Variants in COL4A4 observed in about 807,000 individuals in gnomAD.
The protein encoded by COL4A4 is collagen alpha-4(IV) chain.
In COL4A4, 105 loss-of-function variants were observed where a neutral mutation model predicts 192.9. That is an observed-to-expected ratio of 0.54 (90% CI 0.46 to 0.64). COL4A4 has a LOEUF of 0.64. COL4A4 is among the 30% of genes least tolerant of loss of function. COL4A4 has a pLI of 0.00. For missense variants in COL4A4, 1,967 were observed against 2,169.3 expected, an observed-to-expected ratio of 0.91 and a Z score of 1.85; for synonymous variants, 762 against 769.9, an observed-to-expected ratio of 0.99 and a Z score of 0.17.
chr2:227,049,979 G>C (rs978846406), intron 34 of COL4A4, 89 bp downstream of exon 34: 2 of 1,234,282 alleles, frequency 1.6e-6, no homozygotes, highest in African/African-American at 3.0e-5. Context: ...GATACACTTT[G>C]CTTATCATGT....
At chr2:227,151,433 C>G (rs1376457849) in intron 1 of COL4A4, among the ~76,000 whole-genome samples, 1 of 152,066 alleles carries the variant, frequency 6.6e-6, no homozygotes. Context: ...TTATGTAGCT[C>G]AAGATCAACG....
At chr2:227,103,298 T>A (rs2060629930) in intron 13 of COL4A4, 101 bp from the exon 14 acceptor site, 7 of 728,372 alleles carry the variant, frequency 9.6e-6, no homozygotes, top group East Asian at 3.3e-5. Context: ...TGTTTCACCT[T>A]AAAAAAAAAA....
At chr2:227,113,711 C>T (rs113130860) in intron 8 of COL4A4, among the ~76,000 whole-genome samples, 2 of 152,256 alleles carry the variant, frequency 1.3e-5, no homozygotes, top group Admixed American at 6.5e-5. Flanking sequence ...ACAAATCCAT[C>T]GTTCTTGCTG....
At chr2:227,016,886 C>T (rs902451489) in intron 44 of COL4A4, among the ~76,000 whole-genome samples, 1 of 152,136 alleles carries the variant, frequency 6.6e-6, no homozygotes, top group East Asian at 1.9e-4. Flanking sequence ...AGGAAACATC[C>T]CCGCCTCCCC....
At chr2:227,094,598 A>C (rs1284364595) in intron 19 of COL4A4, among the ~76,000 whole-genome samples, 3 of 152,158 alleles carry the variant, frequency 2.0e-5, no homozygotes, top group Non-Finnish European at 4.4e-5. Flanking sequence ...TAGTCATGCA[A>C]GATAAATAAG....
intron 4 of COL4A4, among the ~76,000 whole-genome samples, chr2:227,139,900 G>A (rs1168403190): frequency 6.6e-6 from 1 of 152,016 alleles, no homozygotes; most frequent in Non-Finnish European, 1.5e-5. Context: ...TTCACACCAG[G>A]ACCCTTCCTC....
At chr2:227,062,155 T>C (rs1299768255) in intron 26 of COL4A4, among the ~76,000 whole-genome samples, 2 of 151,074 alleles carry the variant, frequency 1.3e-5, no homozygotes, top group African/African-American at 4.9e-5. Flanking sequence ...GAAGAATCAT[T>C]GAACCTGGGA....
At chr2:227,132,340 CCAGGCTG>C (rs772971344) in intron 4 of COL4A4, among the ~76,000 whole-genome samples, 2 of 152,160 alleles carry the variant, frequency 1.3e-5, no homozygotes, top group Non-Finnish European at 2.9e-5. Flanking sequence ...GCTCTGAGCT[CCAGGCTG>C]CAGGGACTTT....
intron 8 of COL4A4, among the ~76,000 whole-genome samples, chr2:227,112,593 AGG>A (rs2061276820): frequency 6.6e-6 from 1 of 152,196 alleles, no homozygotes; most frequent in African/African-American, 2.4e-5. Context: ...TTAAGTGTAC[AGG>A]TAGTTCACTT....
Position 227,140,195 on chromosome 2 carries a change from G to A in COL4A4, c.158C>T (p.Ser53Phe). 6.2e-7 allele frequency: 1 copy of A among 1,614,054 alleles called. No homozygotes were observed. Among genetic ancestry groups the A allele is most frequent in the East Asian group, 2.2e-5 (1 of 44,860 alleles). The change falls in exon 4 of 48, where the codon TCT becomes TTT. Residue 53 changes from serine (S) to phenylalanine (F), a missense_variant. Ser to Phe is a radical substitution (Grantham distance 155). Transcript: ENST00000396625. ...YIGPCGGRDC[S>F]VCHCVPEKGS... ...CTTTTCAGGAACACAGTGGCAAACA[G>A]AGCAATCTCTTCCTCCACAAGGACC...
chr2:226,969,997 C>CG, the COL4A4 span, among the ~76,000 whole-genome samples: 1 of 121,626 alleles, frequency 8.2e-6, no homozygotes, highest in Non-Finnish European at 1.6e-5. Context: ...TGTCCCCCCC[C>CG]CCTTAATTTT....
intron 3 of COL4A4, among the ~76,000 whole-genome samples, chr2:227,142,494 C>A (rs2063287059): frequency 6.6e-6 from 1 of 152,132 alleles, no homozygotes; most frequent in Non-Finnish European, 1.5e-5. Flanking sequence ...TGGCTCATTC[C>A]TGTAATCCCA....
chr2:227,152,466 G>T (rs1195132544), intron 1 of COL4A4, among the ~76,000 whole-genome samples: 2 of 152,150 alleles, frequency 1.3e-5, no homozygotes, highest in Admixed American at 6.5e-5. Context: ...GCTGCTAAAG[G>T]TTAAAAACTG....
intron 20 of COL4A4, among the ~76,000 whole-genome samples, chr2:227,091,740 C>G (rs1392833608): frequency 6.6e-6 from 1 of 151,570 alleles, no homozygotes; most frequent in African/African-American, 2.4e-5. Context: ...CTAAAAAATG[C>G]AAAAAATTAG....
chr2:226,995,636 T>G, the COL4A4 span: 5 of 738,880 alleles, frequency 6.8e-6, no homozygotes, highest in Non-Finnish European at 4.7e-6. Context: ...TACACCGGTA[T>G]TGCTCCAGAT....
At chr2:227,092,291 C>T (rs1456425392) in intron 20 of COL4A4, among the ~76,000 whole-genome samples, 2 of 152,096 alleles carry the variant, frequency 1.3e-5, no homozygotes, top group African/African-American at 2.4e-5. Context: ...TTCAGACAAG[C>T]AAGATCTCCC....
intron 25 of COL4A4, among the ~76,000 whole-genome samples, chr2:227,067,406 G>A (rs1232769715): frequency 7.2e-5 from 11 of 152,316 alleles, no homozygotes; most frequent in Middle Eastern, 3.4e-3. Context: ...CAAATCAACA[G>A]AATATACATT....
intron 46 of COL4A4, 36 bp downstream of exon 46, chr2:227,010,277 T>C (rs776657939): frequency 1.2e-6 from 2 of 1,611,924 alleles, no homozygotes; most frequent in Non-Finnish European, 1.7e-6. Context: ...AATTTTACTC[T>C]TCAGGCAATG....
intron 43 of COL4A4, among the ~76,000 whole-genome samples, chr2:227,024,375 G>A (rs1966609910): frequency 6.6e-6 from 1 of 152,132 alleles, no homozygotes; most frequent in African/African-American, 2.4e-5. Context: ...AGCCAGGTGT[G>A]GTGGCACATG....
Sources: allele counts gnomAD v4.1 joint callset (sites outside exome capture counted in the v4.1 genomes callset), GRCh38; gene constraint gnomAD v4.1.1; transcripts MANE v1.5; gene names NCBI Gene and HGNC (gene_info 2026-07-23, HGNC 2026-07-21).